CNTN5: variants seen among roughly 807,000 people sequenced by gnomAD.
CNTN5 encodes the protein contactin-5.
Under a neutral mutation model 129.1 loss-of-function variants are expected in CNTN5, and 77 were observed. The ratio of observed to expected loss-of-function variants is 0.60; its 90% CI spans 0.50 to 0.72. The LOEUF (loss-of-function observed/expected upper bound fraction) is 0.72, where lower values mean the gene tolerates loss of function less well. CNTN5 is among the 30% of genes least tolerant of loss of function. The probability of loss-of-function intolerance (pLI) is 0.00; values close to 1 mark genes in which losing one functional copy is unlikely to be tolerated. For missense variants in CNTN5, 1,478 were observed against 1,328.8 expected, an observed-to-expected ratio of 1.11 and a Z score of -1.75; for synonymous variants, 509 against 465.6, an observed-to-expected ratio of 1.09 and a Z score of -1.20.
intron 1 of CNTN5, among the ~76,000 whole-genome samples, chr11:99,202,006 G>T (rs1418889287): frequency 6.6e-6 from 1 of 152,108 alleles, no homozygotes; most frequent in African/African-American, 2.4e-5. Context: ...GCACAAATAT[G>T]TCATTCGTAT....
chr11:99,335,113 T>C (rs1356036920), intron 2 of CNTN5, among the ~76,000 whole-genome samples: 1 of 152,154 alleles, frequency 6.6e-6, no homozygotes, highest in Non-Finnish European at 1.5e-5. Flanking sequence ...CAATAGCAAA[T>C]ATTCAGCATT....
rs920304605 is a variant in CNTN5 at position 99,898,981 on chromosome 11, A to G, written c.578-17073A>G. Among the ~76,000 whole-genome samples the G allele has an allele frequency of 5.3e-5, 8 of 152,122 alleles. 1 individual carries two copies. The South Asian group carries it at 1.7e-3, about 32-fold the overall frequency. On this transcript the variant is annotated intron_variant, in intron 6 of 24. Transcript: ENST00000524871. ...TAATATTTGTTTCAAGTTAGATAGA[A>G]TTAATGAAACTAAGCTGTTGAGATC...
chr11:99,904,188 G>A (rs1565659615), intron 6 of CNTN5, among the ~76,000 whole-genome samples: 1 of 152,086 alleles, frequency 6.6e-6, no homozygotes, highest in South Asian at 2.1e-4. Context: ...GTGCAGGTTT[G>A]TAACATAGGT....
intron 16 of CNTN5, among the ~76,000 whole-genome samples, chr11:100,235,095 A>G (rs1424886294): frequency 1.3e-5 from 2 of 152,236 alleles, no homozygotes; most frequent in African/African-American, 4.8e-5. Context: ...GTTAAAAAAG[A>G]TGGTCTTAAA....
intron 8 of CNTN5, among the ~76,000 whole-genome samples, chr11:99,959,129 T>A (rs754221047): frequency 3.9e-5 from 6 of 152,202 alleles, no homozygotes; most frequent in Non-Finnish European, 7.4e-5. Context: ...AAACCCCAAC[T>A]CCAGTGAACT....
chr11:100,069,219 C>G (rs897020326), intron 10 of CNTN5, among the ~76,000 whole-genome samples: 4 of 152,144 alleles, frequency 2.6e-5, no homozygotes, highest in Non-Finnish European at 4.4e-5. Context: ...ATAGCATGAT[C>G]ACGGCTCAGT....
At chr11:100,274,999 T>G (rs2138796089) in intron 18 of CNTN5, among the ~76,000 whole-genome samples, 1 of 152,240 alleles carries the variant, frequency 6.6e-6, no homozygotes, top group Middle Eastern at 3.4e-3. Flanking sequence ...CTTAAAAGTT[T>G]AATTGCCAAA....
chr11:99,738,915 G>C (rs4567422), intron 3 of CNTN5, among the ~76,000 whole-genome samples: 34,228 of 152,072 alleles, frequency 0.23, 4,228 homozygotes, highest in Admixed American at 0.35. Flanking sequence ...GCTTACGCTT[G>C]TTATACTTAT....
At chr11:100,171,500 G>C (rs752214809) in intron 13 of CNTN5, among the ~76,000 whole-genome samples, 2 of 151,982 alleles carry the variant, frequency 1.3e-5, no homozygotes, top group Admixed American at 1.3e-4. Flanking sequence ...TCATGTCCAA[G>C]TTAATGTGAA....
At chr11:99,337,046 G>T (rs1166590643) in intron 2 of CNTN5, among the ~76,000 whole-genome samples, 1 of 152,044 alleles carries the variant, frequency 6.6e-6, no homozygotes, top group East Asian at 1.9e-4. Context: ...GCCTTTTGAA[G>T]CTAGAAGGGG....
chr11:100,319,499 A>G (rs961968272), intron 21 of CNTN5, among the ~76,000 whole-genome samples: 1 of 152,208 alleles, frequency 6.6e-6, no homozygotes, highest in Non-Finnish European at 1.5e-5. Flanking sequence ...TTTATCATGT[A>G]CATGCTTTGA....
chr11:99,742,688 A>T (rs542245769), intron 3 of CNTN5, among the ~76,000 whole-genome samples: 2 of 152,308 alleles, frequency 1.3e-5, no homozygotes, highest in African/African-American at 2.4e-5. Flanking sequence ...ACAAGTCAGC[A>T]GCTGTGTTGA....
intron 1 of CNTN5, among the ~76,000 whole-genome samples, chr11:99,034,445 G>C (rs1300875476): frequency 1.3e-5 from 2 of 151,598 alleles, no homozygotes; most frequent in Non-Finnish European, 2.9e-5. Flanking sequence ...CACAATTTCA[G>C]ACCCTGTTAT....
At chr11:100,137,114 G>C (rs567260909) in intron 13 of CNTN5, among the ~76,000 whole-genome samples, 2 of 151,978 alleles carry the variant, frequency 1.3e-5, no homozygotes, top group South Asian at 4.1e-4. Flanking sequence ...TAAAGACAAG[G>C]ATGTGTTTTT....
chr11:100,255,725 T>A (rs1019194227), intron 16 of CNTN5, 35 bp from the exon 17 acceptor site: 1 of 1,579,612 alleles, frequency 6.3e-7, no homozygotes, highest in African/African-American at 1.4e-5. Context: ...GATAATAATT[T>A]GTGCTTAACT....
intron 1 of CNTN5, among the ~76,000 whole-genome samples, chr11:99,282,112 G>A (rs767457737): frequency 2.6e-5 from 4 of 151,788 alleles, no homozygotes; most frequent in African/African-American, 7.3e-5. Flanking sequence ...GTTTATAACC[G>A]GAAAATTTTA....
chr11:99,257,784 G>T (rs1490066643), intron 1 of CNTN5, among the ~76,000 whole-genome samples: 1 of 151,950 alleles, frequency 6.6e-6, no homozygotes, highest in African/African-American at 2.4e-5. Context: ...GTAAGAAAGT[G>T]GAGAATTTGG....
At chr11:99,942,493 AAAG>A (rs1380331790) in intron 7 of CNTN5, among the ~76,000 whole-genome samples, 1 of 152,042 alleles carries the variant, frequency 6.6e-6, no homozygotes, top group Non-Finnish European at 1.5e-5. Flanking sequence ...AAATTTCAGA[AAAG>A]AAGGGTGAAT....
chr11:100,137,692 T>G (rs958246536), intron 13 of CNTN5, among the ~76,000 whole-genome samples: 12 of 152,126 alleles, frequency 7.9e-5, no homozygotes, highest in Admixed American at 7.9e-4. Flanking sequence ...AGTTTATCAC[T>G]ATGAGCTTCA....
Sources: allele counts gnomAD v4.1 joint callset (sites outside exome capture counted in the v4.1 genomes callset), GRCh38; gene constraint gnomAD v4.1.1; transcripts MANE v1.5; gene names NCBI Gene and HGNC (gene_info 2026-07-23, HGNC 2026-07-21).